The following NIBAN1 variants were observed in gnomAD, a reference collection of about 807,000 sequenced individuals.
The protein encoded by NIBAN1 is protein Niban 1.
NIBAN1 carries 81 observed loss-of-function variants against 75.1 expected under a neutral mutation model. That is an observed-to-expected ratio of 1.08 (90% CI 0.90 to 1.30). The LOEUF is 1.30. Among genes scored for constraint, NIBAN1 ranks in the 50% most tolerant of loss-of-function variants. The pLI, the probability that NIBAN1 is intolerant of heterozygous loss-of-function variation, is 0.00. For synonymous variants in NIBAN1, 436 were observed against 424.8 expected (o/e 1.03, Z -0.32); for missense variants, 1,133 against 1,128.1 (o/e 1.00, Z -0.06).
Position 184,863,387 on chromosome 1 carries a change from G to A in NIBAN1, c.601+21246C>T, listed in dbSNP as rs539394908. ...TCTAATACAATAAAAATGCAACGGTGTCTTCAGAAGATGCATGTAATAGAT... is the reference window on the plus strand; with the variant it reads ...TCTAATACAATAAAAATGCAACGGTATCTTCAGAAGATGCATGTAATAGAT... On this transcript the variant is annotated intron_variant, in intron 5 of 13. Transcript: ENST00000367511. 2.3e-3 allele frequency among the ~76,000 whole-genome samples: 345 copies of A among 152,324 alleles called. 1 individual carries two copies. The highest frequency in any genetic ancestry group is 7.9e-3 in the African/African-American group (330 of 41,578).
At chr1:184,821,648 C>T (rs1001955748) in intron 8 of NIBAN1, among the ~76,000 whole-genome samples, 10 of 152,180 alleles carry the variant, frequency 6.6e-5, no homozygotes, top group African/African-American at 1.2e-4. Flanking sequence ...GCCATGAGAA[C>T]GGCTACAGTT....
At chr1:184,958,381 C>CAA (rs2102073893) in intron 1 of NIBAN1, among the ~76,000 whole-genome samples, 1 of 151,844 alleles carries the variant, frequency 6.6e-6, no homozygotes, top group Non-Finnish European at 1.5e-5. Context: ...CACACACACA[C>CAA]ACACACACAC....
At chr1:184,953,833 TATGGCTTCTC>T (rs1255544870) in intron 1 of NIBAN1, among the ~76,000 whole-genome samples, 1 of 152,232 alleles carries the variant, frequency 6.6e-6, no homozygotes, top group Non-Finnish European at 1.5e-5. Context: ...AGACATATCT[TATGGCTTCTC>T]AGAACTTAAC....
At chr1:184,839,191 T>C (rs963441047) in intron 5 of NIBAN1, among the ~76,000 whole-genome samples, 1 of 151,818 alleles carries the variant, frequency 6.6e-6, no homozygotes, top group Non-Finnish European at 1.5e-5. Context: ...GAAAATGGAG[T>C]TTTGGGAAGG....
At chr1:184,963,831 C>T (rs560708416) in intron 1 of NIBAN1, among the ~76,000 whole-genome samples, 2 of 152,186 alleles carry the variant, frequency 1.3e-5, no homozygotes, top group East Asian at 3.9e-4. Context: ...TCACTTCTTC[C>T]TAAATTCATC....
chr1:184,959,099 C>G (rs561994166), intron 1 of NIBAN1, among the ~76,000 whole-genome samples: 5 of 152,340 alleles, frequency 3.3e-5, no homozygotes, highest in African/African-American at 1.2e-4. Flanking sequence ...ACAAGGCCAC[C>G]AATAATGATG....
At chr1:184,901,038 A>G (rs1234987085) in intron 1 of NIBAN1, among the ~76,000 whole-genome samples, 1 of 152,224 alleles carries the variant, frequency 6.6e-6, no homozygotes. Flanking sequence ...TGAGGTACTC[A>G]ATAGGAAAGC....
intron 1 of NIBAN1, among the ~76,000 whole-genome samples, chr1:184,953,322 T>C (rs1318601403): frequency 3.3e-5 from 5 of 152,340 alleles, no homozygotes; most frequent in East Asian, 1.9e-4. Context: ...AATGCCCTAC[T>C]GAATCAAGAA....
intron 6 of NIBAN1, among the ~76,000 whole-genome samples, chr1:184,825,788 A>T (rs1336828304): frequency 6.6e-6 from 1 of 152,192 alleles, no homozygotes; most frequent in Non-Finnish European, 1.5e-5. Context: ...TTGCAATCAT[A>T]GGCTGCACAC....
chr1:184,901,084 A>C (rs1349221462), intron 1 of NIBAN1, among the ~76,000 whole-genome samples: 1 of 152,182 alleles, frequency 6.6e-6, no homozygotes, highest in Non-Finnish European at 1.5e-5. Context: ...AAGCCTATAG[A>C]ACCATAGCCA....
In NIBAN1 at chr1:184,899,382, C is replaced by A. The variant is rs1301899087; in HGVS notation, c.56-73G>T. The A allele has an allele frequency of 5.4e-6, 8 of 1,495,008 alleles. No individual in the cohort carries two copies. In the African/African-American group the frequency reaches 1.1e-4, roughly 21 times the overall value. 92.6% of individuals were successfully genotyped at this position (1,495,008 alleles called of 1,614,324 possible). A position where few individuals can be genotyped will look rare whatever the true frequency, so the allele number is the denominator to read the frequency against. ...CACCTATCTACAGAGTTCCAAAAAC[C>A]ATCCCTCCAGTCTCTCTGTTTCTAT... On this transcript the variant is annotated intron_variant, in intron 1 of 13. Coordinates refer to ENST00000367511, the MANE Select transcript of NIBAN1 (RefSeq NM_052966.4).
At position 184,805,928 on chromosome 1, in the gene NIBAN1, A is replaced by G; in HGVS notation, c.1446+18T>C. Reference sequence around the variant, plus strand: ...CGTTCTCTTTTTATGCTTCCCACAAACAAGAGAACGGTTTTACCTTTAAGA... The same window carrying G: ...CGTTCTCTTTTTATGCTTCCCACAAGCAAGAGAACGGTTTTACCTTTAAGA... On this transcript the variant is annotated intron_variant, in intron 11 of 13. Coordinates refer to ENST00000367511, the MANE Select transcript of NIBAN1 (RefSeq NM_052966.4). 3 of 1,597,838 alleles carry G rather than the reference A, an allele frequency of 1.9e-6. No individual in the cohort carries two copies. The highest frequency in any genetic ancestry group is 2.6e-6 in the Non-Finnish European group (3 of 1,165,280).
chr1:184,974,399 G>T lies in NIBAN1; in HGVS notation c.-43C>A. On this transcript the variant is annotated 5_prime_UTR_variant, in exon 1 of 14. Coordinates refer to ENST00000367511, the MANE Select transcript of NIBAN1 (RefSeq NM_052966.4). ...GCTGAGCGCGGAAACTGCCCGGTCC[G>T]CGCCCGCTGCTAGCTCCTGGAGGTT... 6.5e-7 allele frequency: 1 copy of T among 1,538,022 alleles called. No homozygotes were observed.
chr1:184,904,926 A>T (rs745953046), intron 1 of NIBAN1, among the ~76,000 whole-genome samples: 1 of 100,400 alleles, frequency 1.0e-5, no homozygotes, highest in Non-Finnish European at 1.9e-5. Context: ...ACCCTAGGTG[A>T]CAGAGCGAGA....
At chr1:184,830,209 C>T (rs4651234) in intron 6 of NIBAN1, among the ~76,000 whole-genome samples, 91,856 of 152,170 alleles carry the variant, frequency 0.6, 29,952 homozygotes, top group Middle Eastern at 0.76. Flanking sequence ...AAGACAAACA[C>T]CATTAGGTTT....
At chr1:184,841,423 C>T (rs1245307857) in intron 5 of NIBAN1, among the ~76,000 whole-genome samples, 1 of 152,172 alleles carries the variant, frequency 6.6e-6, no homozygotes, top group Non-Finnish European at 1.5e-5. Context: ...GAGGTATGCT[C>T]CTCTGAGCTC....
intron 9 of NIBAN1, among the ~76,000 whole-genome samples, chr1:184,812,589 C>T (rs1055895000): frequency 1.3e-5 from 2 of 152,216 alleles, no homozygotes; most frequent in African/African-American, 2.4e-5. Context: ...GGGAGCTTGA[C>T]TTTGTAACCA....
At chr1:184,947,043 A>T (rs1658242847) in intron 1 of NIBAN1, among the ~76,000 whole-genome samples, 1 of 152,020 alleles carries the variant, frequency 6.6e-6, no homozygotes, top group Non-Finnish European at 1.5e-5. Flanking sequence ...ATTGCACTCC[A>T]GCCTGGGCAA....
chr1:184,801,908 T>C (rs1557869269), intron 12 of NIBAN1, among the ~76,000 whole-genome samples: 1 of 152,244 alleles, frequency 6.6e-6, no homozygotes, highest in Non-Finnish European at 1.5e-5. Context: ...TTATATTGAA[T>C]TGATTGAACA....
Sources: allele counts gnomAD v4.1 joint callset (sites outside exome capture counted in the v4.1 genomes callset), GRCh38; gene constraint gnomAD v4.1.1; transcripts MANE v1.5; gene names NCBI Gene and HGNC (gene_info 2026-07-23, HGNC 2026-07-21).